The following APOC1 variants were observed in gnomAD, a reference collection of about 807,000 sequenced individuals.
APOC1 encodes apolipoprotein C1, also known as apolipoprotein C-I.
In APOC1, 4 loss-of-function variants were observed where a neutral mutation model predicts 6.7. The observed-to-expected ratio is 0.60, with a 90% confidence interval of 0.29 to 1.37. The LOEUF is 1.37. Among genes scored for constraint, APOC1 ranks in the 40% most tolerant of loss-of-function variants. APOC1 has a pLI of 0.09. For synonymous variants in APOC1, 33 were observed against 40.6 expected (o/e 0.81, Z 0.72); for missense variants, 122 against 99.4 (o/e 1.23, Z -0.97).
chr19:44,918,481 C>G (rs974306010), intron 3 of APOC1, among the ~76,000 whole-genome samples: 50 of 150,394 alleles, frequency 3.3e-4, no homozygotes, highest in Non-Finnish European at 6.5e-4. Flanking sequence ...CCTGCCTCAC[C>G]CTCCCGAGTA....
intron 3 of APOC1, among the ~76,000 whole-genome samples, chr19:44,916,765 A>G (rs1970015922): frequency 7.1e-6 from 1 of 140,752 alleles, no homozygotes; most frequent in Non-Finnish European, 1.5e-5. Context: ...AGTTACAGTG[A>G]GCCAACATTG....
Position 44,918,057 on chromosome 19 carries a change from C to G in APOC1, c.195-1116C>G, listed in dbSNP as rs568538339. Among the ~76,000 whole-genome samples the G allele has an allele frequency of 2.5e-4, 38 of 152,126 alleles. No homozygotes were observed. The South Asian group carries it at 7.7e-3, about 31-fold the overall frequency. On this transcript the variant is annotated intron_variant, in intron 3 of 3. Coordinates refer to ENST00000592535, the MANE Select transcript of APOC1 (RefSeq NM_001645.5). ...AGGCTGAGCAGGCGGATCACGAGGTCAGGAGTTCGAGACTAGCCTGCTCAA... is the reference window on the plus strand; with the variant it reads ...AGGCTGAGCAGGCGGATCACGAGGTGAGGAGTTCGAGACTAGCCTGCTCAA...
rs1334282062 is a variant in APOC1 at position 44,914,794 on chromosome 19, A to T, written c.-21+61A>T. On this transcript the variant is annotated intron_variant, in intron 1 of 3. Coordinates refer to ENST00000592535, the MANE Select transcript of APOC1 (RefSeq NM_001645.5). ...CACTCTGCAAGAAACTCAAAAAGGG[A>T]GATGAGGGGATCGTGGGAGGGAGGT... The T allele has an allele frequency of 2.7e-4, 335 of 1,244,854 alleles. 3 individuals carry two copies. Among genetic ancestry groups the T allele is most frequent in the Non-Finnish European group, 1.5e-5 (13 of 867,112 alleles). The allele number at this position is 1,244,854 out of a possible 1,614,324, so 77.1% of individuals were successfully genotyped here.
intron 3 of APOC1, among the ~76,000 whole-genome samples, chr19:44,918,668 C>T (rs973986042): frequency 1.3e-5 from 2 of 148,408 alleles, no homozygotes; most frequent in Admixed American, 6.8e-5. Flanking sequence ...TGAGCCACGG[C>T]GCCCGGCCTT....
chr19:44,915,105 C>A, intron 2 of APOC1, 156 bp downstream of exon 2: 1 of 742,050 alleles, frequency 1.3e-6, no homozygotes, highest in South Asian at 1.6e-5. Context: ...CAGGTTCTCC[C>A]AGGCTCAGTC....
intron 3 of APOC1, among the ~76,000 whole-genome samples, chr19:44,917,595 AAAGAG>A (rs1361898441): frequency 1.3e-4 from 19 of 150,736 alleles, no homozygotes; most frequent in African/African-American, 4.7e-4. Flanking sequence ...AAAGAAAAGA[AAAGAG>A]AAGAAAAGAG....
intron 3 of APOC1, chr19:44,918,961 G>A: frequency 1.6e-6 from 1 of 607,872 alleles, no homozygotes; most frequent in Non-Finnish European, 2.9e-6. Flanking sequence ...CCCAGCCAAG[G>A]GTAAAGTGTT....
At position 44,916,149 on chromosome 19, in the gene APOC1, A is replaced by AAAAAAC; in HGVS notation, c.59-36_59-35insCAAAAA. 3.3e-6 allele frequency: 5 copies of AAAAAAC among 1,513,738 alleles called. No individual in the cohort carries two copies. The East Asian group carries it at 1.2e-4, about 36-fold the overall frequency. 93.8% of individuals were successfully genotyped at this position (1,513,738 alleles called of 1,614,324 possible). On this transcript the variant is annotated intron_variant, in intron 2 of 3. Transcript: ENST00000592535. ...AAGACTCCATCTCCAAAAAAAAAAAAAAAAAAACAAATTTTGAACCCCTGC... is the reference window on the plus strand; with the variant it reads ...AAGACTCCATCTCCAAAAAAAAAAAAAAAAACAAAAAAACAAATTTTGAACCCCTGC...
chr19:44,917,223 TAG>T (rs1970025560), intron 3 of APOC1, among the ~76,000 whole-genome samples: 1 of 152,196 alleles, frequency 6.6e-6, no homozygotes, highest in Non-Finnish European at 1.5e-5. Flanking sequence ...TTTGGCAAGT[TAG>T]AGAGTCATTC....
At position 44,914,900 on chromosome 19, in the gene APOC1, C is replaced by G. The variant is rs1969975881; in HGVS notation, c.9C>G (p.Leu3=). Residue 3 remains leucine (L), a synonymous_variant, in exon 2 of 4, where the codon CTC becomes CTG. Transcript: ENST00000592535. MR[L]FLSLPVLVVV... The stretch of plus-strand genomic sequence containing the variant: ...GCCCCTCCGGCCTCGCCATGAGGCT[C>G]TTCCTGTCGCTCCCGGTCCTGGTGG... 1 of 1,613,708 alleles carries G rather than the reference C, an allele frequency of 6.2e-7. No individual in the cohort carries two copies. The highest frequency in any genetic ancestry group is 1.7e-5 in the Admixed American group (1 of 59,994).
chr19:44,919,169 A>T lies in APOC1; in HGVS notation c.195-4A>T. Reference sequence around the variant, plus strand: ...GTGACCCCCTTCCTTATTCCTCCCCACAGGGAGTGGTTTTCAGAGACATTT... The same window carrying T: ...GTGACCCCCTTCCTTATTCCTCCCCTCAGGGAGTGGTTTTCAGAGACATTT... On this transcript the variant is annotated splice_polypyrimidine_tract_variant and splice_region_variant and intron_variant, in intron 3 of 3. Transcript: ENST00000592535. 1 of 1,613,526 alleles carries T rather than the reference A, an allele frequency of 6.2e-7. No individual in the cohort carries two copies. Among genetic ancestry groups the T allele is most frequent in the Non-Finnish European group, 8.5e-7 (1 of 1,179,594 alleles).
chr19:44,916,276 C>G lies in APOC1; in HGVS notation c.145C>G (p.Arg49Gly), dbSNP rs773324927. The G allele has an allele frequency of 1.9e-6, 3 of 1,613,950 alleles. No homozygotes were observed. The highest frequency in any genetic ancestry group is 8.5e-7 in the Non-Finnish European group (1 of 1,180,008). The change falls in exon 3 of 4, where the codon CGG becomes GGG. Residue 49 changes from arginine (R) to glycine (G), a missense_variant. Transcript: ENST00000592535. ...TGGAAACACACTGGAGGACAAGGCT[C>G]GGGAACTCATCAGCCGCATCAAACA... The part of the protein sequence containing the change: ...EFGNTLEDKA[R>G]ELISRIKQSE...
chr19:44,917,954 A>T (rs1286636191), intron 3 of APOC1, among the ~76,000 whole-genome samples: 1 of 151,326 alleles, frequency 6.6e-6, no homozygotes, highest in Non-Finnish European at 1.5e-5. Flanking sequence ...AGCCTGGGCG[A>T]CAAGGCGAGA....
chr19:44,915,316 T>A, intron 2 of APOC1: 1 of 125,198 alleles, frequency 8.0e-6, no homozygotes, highest in Admixed American at 7.6e-5. Flanking sequence ...CTCCCCATTC[T>A]TTTTTTTTTT....
In APOC1 at chr19:44,919,111, G is replaced by T. The variant is rs1160543389; in HGVS notation, c.195-62G>T. ...AGAGGTGGGAGTCAGGTAGCAGGCA[G>T]AATTTGGACAGCCTGGGAGGTAGCT... On this transcript the variant is annotated intron_variant, in intron 3 of 3. Transcript: ENST00000592535. 3 of 1,433,442 alleles carry T rather than the reference G, an allele frequency of 2.1e-6. No homozygotes were observed. In the Admixed American group the frequency reaches 5.1e-5, roughly 24 times the overall value. The allele number at this position is 1,433,442 out of a possible 1,614,324, so 88.8% of individuals were successfully genotyped here.
Position 44,914,660 on chromosome 19 carries a change from C to T in APOC1, c.-94C>T. ...GGGAGATCAACATCAACCTGCCCCGCCCCCTCCCCAGCCTGATAAAGGTCC... is the reference window on the plus strand; with the variant it reads ...GGGAGATCAACATCAACCTGCCCCGTCCCCTCCCCAGCCTGATAAAGGTCC... On this transcript the variant is annotated 5_prime_UTR_variant, in exon 1 of 4. Coordinates refer to ENST00000592535, the MANE Select transcript of APOC1 (RefSeq NM_001645.5). 1 of 555,888 alleles carries T rather than the reference C, an allele frequency of 1.8e-6. No individual in the cohort carries two copies. The highest frequency in any genetic ancestry group is 4.9e-4 in the Middle Eastern group (1 of 2,054). The allele number at this position is 555,888 out of a possible 1,614,324, so 34.4% of individuals were successfully genotyped here.
At chr19:44,918,864 G>A in intron 3 of APOC1, 1 of 347,890 alleles carries the variant, frequency 2.9e-6, no homozygotes, top group Non-Finnish European at 5.2e-6. Flanking sequence ...TCACCATGTT[G>A]CCCAGGTTGG....
chr19:44,915,333 TTTTC>T, intron 2 of APOC1: 1 of 166,250 alleles, frequency 6.0e-6, no homozygotes, highest in Non-Finnish European at 1.3e-5. Flanking sequence ...TTTTTTTTTT[TTTTC>T]TCTTGAGACG....
intron 3 of APOC1, among the ~76,000 whole-genome samples, chr19:44,917,019 C>T (rs2122160892): frequency 6.6e-6 from 1 of 151,640 alleles, no homozygotes; most frequent in South Asian, 2.1e-4. Context: ...ATGAAGGCCC[C>T]AAGCTTGGCC....
Sources: allele counts gnomAD v4.1 joint callset (sites outside exome capture counted in the v4.1 genomes callset), GRCh38; gene constraint gnomAD v4.1.1; transcripts MANE v1.5; gene names NCBI Gene and HGNC (gene_info 2026-07-23, HGNC 2026-07-21).